Variants in KCNK13 observed in about 807,000 individuals in gnomAD.
KCNK13 encodes potassium two pore domain channel subfamily K member 13.
Under a neutral mutation model 23.4 loss-of-function variants are expected in KCNK13, and 12 were observed. The observed-to-expected ratio is 0.51, with a 90% CI of 0.33 to 0.83. The LOEUF (loss-of-function observed/expected upper bound fraction) is 0.83, where lower values mean the gene tolerates loss of function less well. KCNK13 is among the 40% of genes least tolerant of loss of function. KCNK13 has a pLI of 0.02. For synonymous variants in KCNK13, 231 were observed against 229.5 expected (o/e 1.01, Z -0.06); for missense variants, 463 against 556.3 (o/e 0.83, Z 1.69).
chr14:90,159,787 G>T (rs893246914), intron 1 of KCNK13, among the ~76,000 whole-genome samples: 4 of 152,190 alleles, frequency 2.6e-5, no homozygotes, highest in African/African-American at 9.7e-5. Context: ...TAAATAATTT[G>T]CTTAAGGTTA....
chr14:90,159,425 A>T (rs1002466491), intron 1 of KCNK13, among the ~76,000 whole-genome samples: 3 of 152,168 alleles, frequency 2.0e-5, no homozygotes, highest in Non-Finnish European at 4.4e-5. Context: ...CATAAACACA[A>T]TCAATCAGGC....
chr14:90,072,565 C>T (rs190661587), intron 1 of KCNK13, among the ~76,000 whole-genome samples: 63 of 152,282 alleles, frequency 4.1e-4, no homozygotes, highest in Non-Finnish European at 2.8e-4. Context: ...TAGCATCGCT[C>T]TTGAGTGTAG....
chr14:90,178,231 CAAAAAA>C (rs34726346), intron 1 of KCNK13, among the ~76,000 whole-genome samples: 8 of 75,078 alleles, frequency 1.1e-4, no homozygotes, highest in African/African-American at 1.3e-4. Context: ...TTCCTAAAAG[CAAAAAA>C]AAAAAAAAAA....
chr14:90,113,946 GA>G (rs1181503246), intron 1 of KCNK13, among the ~76,000 whole-genome samples: 314 of 149,480 alleles, frequency 2.1e-3, no homozygotes, highest in African/African-American at 6.9e-3. Context: ...AGAAGAAGAA[GA>G]AAAAAAAAGA....
In KCNK13 at chr14:90,184,170, C is replaced by T. The variant is rs55730840; in HGVS notation, c.394C>T (p.Leu132Phe). The change falls in exon 2 of 2, where the codon CTT (leucine) becomes TTT (phenylalanine). Residue 132 changes from leucine (L) to phenylalanine (F), a missense_variant. By Grantham distance (22) the Leu-to-Phe change is conservative. This residue lies in a region of KCNK13 where 144 missense variants were observed against 224.0 expected (regional missense o/e 0.64). Transcript: ENST00000282146. This position sits in a 1 kb window ranked among gnomAD's most constrained non-coding sequence, Gnocchi z 5.6. ...AAAAATCTTTCTGATCTTTTACGGCCTTGTTGGGTGTTCCAGCACCATCTT... is the reference window on the plus strand; with the variant it reads ...AAAAATCTTTCTGATCTTTTACGGCTTTGTTGGGTGTTCCAGCACCATCTT... ...GGKIFLIFYG[L>F]VGCSSTILFF... 6.5e-3 allele frequency: 10,458 copies of T among 1,614,220 alleles called. 47 individuals carry two copies. The highest frequency in any genetic ancestry group is 8.0e-3 in the Non-Finnish European group (9,423 of 1,180,034).
chr14:90,114,185 A>G lies in KCNK13; in HGVS notation c.334+51646A>G, dbSNP rs533263509. ...TTTATTTCCAATTTCTATCTAGAGC[A>G]TCATAGTTGTTGCTGCCCTTCGTGG... On this transcript the variant is annotated intron_variant, in intron 1 of 1. Transcript: ENST00000282146. Among the ~76,000 whole-genome samples, 7 of 152,240 alleles carry G rather than the reference A, an allele frequency of 4.6e-5. No homozygotes were observed. In the East Asian group the frequency reaches 1.4e-3, roughly 29 times the overall value.
intron 1 of KCNK13, chr14:90,107,775 G>A: frequency 1.2e-6 from 1 of 835,198 alleles, no homozygotes; most frequent in Non-Finnish European, 2.1e-6. Flanking sequence ...GAGATCCTCA[G>A]TCAACTGCCC....
intron 1 of KCNK13, among the ~76,000 whole-genome samples, chr14:90,148,877 A>C (rs1890103261): frequency 6.6e-6 from 1 of 152,186 alleles, no homozygotes; most frequent in African/African-American, 2.4e-5. Context: ...CTCCCAGTCA[A>C]ATACAGGAGG....
intron 1 of KCNK13, among the ~76,000 whole-genome samples, chr14:90,164,550 G>C (rs1462430610): frequency 6.6e-6 from 1 of 152,206 alleles, no homozygotes; most frequent in African/African-American, 2.4e-5. Flanking sequence ...TTGTTCCCTA[G>C]AGTTACTGTC....
intron 1 of KCNK13, among the ~76,000 whole-genome samples, chr14:90,102,213 C>G (rs890149930): frequency 6.6e-6 from 1 of 152,076 alleles, no homozygotes; most frequent in South Asian, 2.1e-4. Flanking sequence ...AAGAAATCCC[C>G]CCATTGAAAT....
chr14:90,137,088 G>A (rs886647292), intron 1 of KCNK13, among the ~76,000 whole-genome samples: 2 of 152,138 alleles, frequency 1.3e-5, no homozygotes, highest in Admixed American at 1.3e-4. Flanking sequence ...CTTCATGTTT[G>A]TGCTCATTTA....
intron 1 of KCNK13, among the ~76,000 whole-genome samples, chr14:90,077,117 C>CTTTT (rs373759289): frequency 1.1e-4 from 10 of 92,316 alleles, no homozygotes; most frequent in Admixed American, 1.2e-4. Context: ...CCGCACCTGG[C>CTTTT]TTTTTTTTTT....
chr14:90,129,007 G>GAAAAGACTCAGAGGAGATGTGACTGAAA (rs1889836508), intron 1 of KCNK13, among the ~76,000 whole-genome samples: 1 of 152,048 alleles, frequency 6.6e-6, no homozygotes, highest in Non-Finnish European at 1.5e-5. Context: ...TCATTCTTTT[G>GAAAAGACTCAGAGGAGATGTGACTGAAA]TTTTTTCAAA....
chr14:90,089,584 G>T (rs554017442), intron 1 of KCNK13, among the ~76,000 whole-genome samples: 2 of 152,350 alleles, frequency 1.3e-5, no homozygotes, highest in African/African-American at 4.8e-5. Flanking sequence ...GCTGGCTGCA[G>T]AAATTTGCAT....
chr14:90,142,565 G>A (rs575686603), intron 1 of KCNK13, among the ~76,000 whole-genome samples: 5 of 151,864 alleles, frequency 3.3e-5, no homozygotes, highest in Admixed American at 6.6e-5. Context: ...TGATCCACCC[G>A]CCTCGGCCTC....
chr14:90,085,849 TA>T lies in KCNK13; in HGVS notation c.334+23313del, dbSNP rs1240578464. ...TATTATATATTATATAGATATTATA[TA>T]AATATATAATATATAAATTTATATC... is the stretch of plus-strand genomic sequence containing the variant. On this transcript the variant is annotated intron_variant, in intron 1 of 1. Transcript: ENST00000282146. 2.0e-3 allele frequency among the ~76,000 whole-genome samples: 282 copies of T among 141,876 alleles called. 2 individuals carry two copies. The highest frequency in any genetic ancestry group is 7.1e-3 in the Middle Eastern group (2 of 280). 93.1% of individuals were successfully genotyped at this position (141,876 alleles called of 152,430 possible).
At chr14:90,066,034 G>A (rs1889004150) in intron 1 of KCNK13, among the ~76,000 whole-genome samples, 1 of 152,166 alleles carries the variant, frequency 6.6e-6, no homozygotes, top group South Asian at 2.1e-4. Context: ...CACAATCTTG[G>A]CTCACTGCAA....
chr14:90,124,665 C>T (rs191709304), intron 1 of KCNK13, among the ~76,000 whole-genome samples: 1 of 152,328 alleles, frequency 6.6e-6, no homozygotes, highest in Non-Finnish European at 1.5e-5. Context: ...AAGTTATTCT[C>T]GCCTAAGATC....
chr14:90,094,942 C>T (rs1292539836), intron 1 of KCNK13, among the ~76,000 whole-genome samples: 1 of 152,122 alleles, frequency 6.6e-6, no homozygotes, highest in East Asian at 1.9e-4. Context: ...CCACCATGCC[C>T]AGCCTATCAG....
Sources: gnomAD v4.1 joint callset for allele counts (sites outside exome capture counted in the v4.1 genomes callset) on GRCh38, gnomAD v4.1.1 for gene constraint, gnomAD v4.1.1 regional missense constraint, Gnocchi (gnomAD v3.1) non-coding constraint, MANE v1.5 for transcripts, NCBI Gene and HGNC (gene_info 2026-07-23, HGNC 2026-07-21) for gene names.